GABRG3: variants seen among roughly 807,000 people sequenced by gnomAD.
GABRG3 encodes gamma-aminobutyric acid receptor subunit gamma-3.
A neutral mutation model predicts 48.8 loss-of-function variants in GABRG3; 25 were observed. The observed-to-expected ratio is 0.51, with a 90% CI of 0.37 to 0.72. The LOEUF (loss-of-function observed/expected upper bound fraction) is 0.72, where lower values mean the gene tolerates loss of function less well. Ranked by LOEUF, GABRG3 falls within the 30% of genes least tolerant of loss-of-function variation. The pLI, the probability that GABRG3 is intolerant of heterozygous loss-of-function variation, is 0.00. For missense variants in GABRG3, 394 were observed against 577.9 expected (o/e 0.68, Z 3.26); for synonymous variants, 227 against 217.6 (o/e 1.04, Z -0.38).
At chr15:27,138,014 C>T (rs1023247143) in intron 3 of GABRG3, among the ~76,000 whole-genome samples, 1 of 152,128 alleles carries the variant, frequency 6.6e-6, no homozygotes, top group Non-Finnish European at 1.5e-5. Context: ...CTGAATTTTC[C>T]TTTGTGCTCA....
At chr15:27,033,030 A>C (rs1426696516) in intron 3 of GABRG3, among the ~76,000 whole-genome samples, 2 of 152,184 alleles carry the variant, frequency 1.3e-5, no homozygotes, top group East Asian at 3.9e-4. Flanking sequence ...ATTGTTTTTT[A>C]ACCTCTTATG....
At chr15:27,096,455 A>G (rs978911548) in intron 3 of GABRG3, among the ~76,000 whole-genome samples, 2 of 152,224 alleles carry the variant, frequency 1.3e-5, no homozygotes, top group African/African-American at 4.8e-5. Flanking sequence ...CTCACAGCTT[A>G]TTCATCTTTG....
intron 3 of GABRG3, among the ~76,000 whole-genome samples, chr15:27,082,462 A>C (rs1186477601): frequency 6.6e-6 from 1 of 152,330 alleles, no homozygotes; most frequent in African/African-American, 2.4e-5. Flanking sequence ...TAAGACAAAA[A>C]AAATTCTGCA....
At chr15:27,161,956 AT>A (rs936434859) in intron 3 of GABRG3, among the ~76,000 whole-genome samples, 42 of 152,160 alleles carry the variant, frequency 2.8e-4, no homozygotes, top group African/African-American at 9.4e-4. Flanking sequence ...GATAAAAGAT[AT>A]CCTCCCTGTC....
At chr15:27,125,271 C>G (rs978770241) in intron 3 of GABRG3, among the ~76,000 whole-genome samples, 23 of 151,676 alleles carry the variant, frequency 1.5e-4, no homozygotes, top group Non-Finnish European at 3.2e-4. Flanking sequence ...CATGGTCTCA[C>G]TTATATGTGG....
At chr15:27,040,292 G>A (rs1274118514) in intron 3 of GABRG3, among the ~76,000 whole-genome samples, 2 of 152,216 alleles carry the variant, frequency 1.3e-5, no homozygotes, top group Non-Finnish European at 2.9e-5. Context: ...ATGCAGCCAG[G>A]GTACAGAGCA....
intron 3 of GABRG3, among the ~76,000 whole-genome samples, chr15:27,293,086 C>T (rs1387898105): frequency 6.6e-6 from 1 of 152,142 alleles, no homozygotes; most frequent in Non-Finnish European, 1.5e-5. Context: ...TGCCTGACAC[C>T]TTTAAAGGCT....
At chr15:27,310,343 G>C (rs1436182437) in intron 3 of GABRG3, among the ~76,000 whole-genome samples, 1 of 151,968 alleles carries the variant, frequency 6.6e-6, no homozygotes, top group African/African-American at 2.4e-5. Context: ...GTTAATGTAT[G>C]ATATAAAAAT....
At chr15:27,518,850 A>G (rs1448242270) in intron 6 of GABRG3, among the ~76,000 whole-genome samples, 1 of 152,226 alleles carries the variant, frequency 6.6e-6, no homozygotes, top group Non-Finnish European at 1.5e-5. Context: ...TGTTTTACAA[A>G]GTTCCTTTTG....
At chr15:27,049,288 G>C (rs150511614) in intron 3 of GABRG3, among the ~76,000 whole-genome samples, 2 of 152,216 alleles carry the variant, frequency 1.3e-5, no homozygotes, top group African/African-American at 2.4e-5. Flanking sequence ...TCATGCTTTC[G>C]CGTTACATGG....
intron 5 of GABRG3, among the ~76,000 whole-genome samples, chr15:27,362,073 C>T (rs961092920): frequency 6.6e-6 from 1 of 152,182 alleles, no homozygotes; most frequent in African/African-American, 2.4e-5. Flanking sequence ...GATAATGACA[C>T]ACGTTAATCA....
intron 3 of GABRG3, among the ~76,000 whole-genome samples, chr15:27,083,495 G>T (rs1007941258): frequency 2.6e-5 from 4 of 152,120 alleles, no homozygotes; most frequent in Middle Eastern, 6.8e-3. Flanking sequence ...ATCATGCCTG[G>T]CTAATTTTTA....
intron 5 of GABRG3, among the ~76,000 whole-genome samples, chr15:27,471,125 G>C (rs1391745743): frequency 6.6e-6 from 1 of 152,074 alleles, no homozygotes; most frequent in Non-Finnish European, 1.5e-5. Context: ...AGAGGCCAGA[G>C]TTTTTTAAAG....
intron 3 of GABRG3, among the ~76,000 whole-genome samples, chr15:27,278,943 A>G (rs1891344562): frequency 1.3e-5 from 2 of 152,164 alleles, no homozygotes; most frequent in Non-Finnish European, 2.9e-5. Context: ...GTAGCAATGC[A>G]GGAGAAATCT....
intron 5 of GABRG3, among the ~76,000 whole-genome samples, chr15:27,380,894 T>G (rs973017040): frequency 6.6e-6 from 1 of 151,194 alleles, no homozygotes; most frequent in South Asian, 2.1e-4. Flanking sequence ...GCCTCCCGAG[T>G]AGCTGGGACT....
intron 3 of GABRG3, among the ~76,000 whole-genome samples, chr15:27,283,839 C>T (rs549186304): frequency 6.6e-5 from 10 of 152,246 alleles, no homozygotes; most frequent in African/African-American, 1.7e-4. Context: ...CTTTCAGGGT[C>T]GTCTTTCACA....
chr15:27,265,192 C>A (rs1430539870), intron 3 of GABRG3, among the ~76,000 whole-genome samples: 1 of 152,146 alleles, frequency 6.6e-6, no homozygotes, highest in Non-Finnish European at 1.5e-5. Flanking sequence ...TTGCCAATCT[C>A]ACCAATACAA....
chr15:27,193,873 G>A (rs546298580), intron 3 of GABRG3, among the ~76,000 whole-genome samples: 21 of 151,632 alleles, frequency 1.4e-4, no homozygotes, highest in African/African-American at 4.4e-4. Flanking sequence ...CTCCTCCCCC[G>A]CTTCGATGTT....
chr15:27,446,595 T>C (rs187678281), intron 5 of GABRG3, among the ~76,000 whole-genome samples: 18 of 152,326 alleles, frequency 1.2e-4, no homozygotes, highest in African/African-American at 3.8e-4. Flanking sequence ...ATAAAATTTT[T>C]ACTTATTTTG....
Sources: gnomAD v4.1 joint callset for allele counts (sites outside exome capture counted in the v4.1 genomes callset) on GRCh38, gnomAD v4.1.1 for gene constraint, MANE v1.5 for transcripts, NCBI Gene and HGNC (gene_info 2026-07-23, HGNC 2026-07-21) for gene names.